RBFOX1: variants seen among roughly 807,000 people sequenced by gnomAD.
RBFOX1 encodes the protein RNA binding fox-1 homolog 1.
A neutral mutation model predicts 57.7 loss-of-function variants in RBFOX1; 8 were observed. The ratio of observed to expected loss-of-function variants is 0.14; its 90% CI spans 0.08 to 0.25. The LOEUF (loss-of-function observed/expected upper bound fraction) is 0.25, where lower values mean the gene tolerates loss of function less well. RBFOX1 is among the 10% of genes least tolerant of loss of function. The pLI is 1.00. For synonymous variants in RBFOX1, 326 were observed against 222.4 expected, an observed-to-expected ratio of 1.47 and a Z score of -4.15; for missense variants, 611 against 548.5, an observed-to-expected ratio of 1.11 and a Z score of -1.14.
chr16:6,974,447 G>A (rs1199414141), intron 3 of RBFOX1, among the ~76,000 whole-genome samples: 2 of 140,868 alleles, frequency 1.4e-5, no homozygotes, highest in Middle Eastern at 8.1e-3. Context: ...CAGGTTCAAG[G>A]AATTATCCTG....
chr16:7,622,294 C>G (rs555914250), intron 10 of RBFOX1, among the ~76,000 whole-genome samples: 3 of 152,286 alleles, frequency 2.0e-5, no homozygotes, highest in African/African-American at 4.8e-5. Flanking sequence ...AAAATAGTGT[C>G]TGTCCTACAG....
At chr16:5,350,310 C>T (rs1479962023) in intron 1 of RBFOX1, among the ~76,000 whole-genome samples, 1 of 152,116 alleles carries the variant, frequency 6.6e-6, no homozygotes, top group African/African-American at 2.4e-5. Flanking sequence ...ATACTGTTGG[C>T]TGCCTGGTGG....
intron 1 of RBFOX1, chr16:6,092,548 C>T (rs2096190421): frequency 6.6e-6 from 1 of 152,198 alleles, no homozygotes; most frequent in Non-Finnish European, 1.5e-5. Flanking sequence ...AAATTACCAT[C>T]ATGAGTTTAT....
At chr16:5,901,916 C>A (rs1482776915) in intron 4 of RBFOX1, among the ~76,000 whole-genome samples, 1 of 152,204 alleles carries the variant, frequency 6.6e-6, no homozygotes, top group African/African-American at 2.4e-5. Context: ...CTTTTGGAAG[C>A]CTTCTTTGGT....
intron 1 of RBFOX1, among the ~76,000 whole-genome samples, chr16:5,381,564 T>G (rs754081981): frequency 5.9e-5 from 9 of 152,192 alleles, no homozygotes; most frequent in Non-Finnish European, 1.3e-4. Context: ...GGTCAAGGCA[T>G]AGGCTGCTGG....
chr16:6,945,293 T>C (rs1380102798), intron 3 of RBFOX1, among the ~76,000 whole-genome samples: 7 of 152,092 alleles, frequency 4.6e-5, no homozygotes, highest in Admixed American at 1.3e-4. Context: ...ATGGTGAGAA[T>C]GTGTACACTA....
intron 4 of RBFOX1, among the ~76,000 whole-genome samples, chr16:7,412,775 G>T (rs2098442019): frequency 6.6e-6 from 1 of 152,170 alleles, no homozygotes; most frequent in South Asian, 2.1e-4. Flanking sequence ...GGGCATGGTG[G>T]CTCACGCCTG....
chr16:6,559,557 C>T (rs184185498), intron 2 of RBFOX1, among the ~76,000 whole-genome samples: 104 of 152,132 alleles, frequency 6.8e-4, no homozygotes, highest in Admixed American at 4.0e-3. Context: ...CTTGAGTCAC[C>T]TGTCGTGTTG....
At chr16:6,812,083 G>A (rs1644774379) in intron 3 of RBFOX1, among the ~76,000 whole-genome samples, 1 of 151,988 alleles carries the variant, frequency 6.6e-6, no homozygotes, top group South Asian at 2.1e-4. Flanking sequence ...TGTATTATCA[G>A]ACTCCATATG....
chr16:7,572,803 C>A (rs1025620208), intron 5 of RBFOX1, among the ~76,000 whole-genome samples: 1 of 147,540 alleles, frequency 6.8e-6, no homozygotes, highest in African/African-American at 2.5e-5. Context: ...GGAGCCACTG[C>A]ACTCCAGCCT....
At chr16:6,538,450 C>T (rs773335267) in intron 2 of RBFOX1, among the ~76,000 whole-genome samples, 1 of 152,124 alleles carries the variant, frequency 6.6e-6, no homozygotes, top group Non-Finnish European at 1.5e-5. Flanking sequence ...GGTGATTGCG[C>T]TACTGCACTC....
At chr16:6,519,644 T>A (rs1431702525) in intron 2 of RBFOX1, among the ~76,000 whole-genome samples, 1 of 152,108 alleles carries the variant, frequency 6.6e-6, no homozygotes. Context: ...GAGGTTGCAG[T>A]GAGCTGAGAT....
chr16:7,060,101 G>T (rs930927631), intron 4 of RBFOX1, among the ~76,000 whole-genome samples: 1 of 152,056 alleles, frequency 6.6e-6, no homozygotes, highest in African/African-American at 2.4e-5. Flanking sequence ...TGATACCATA[G>T]AGTTAACAAA....
At chr16:6,934,828 G>C (rs1004126125) in intron 3 of RBFOX1, among the ~76,000 whole-genome samples, 1 of 152,092 alleles carries the variant, frequency 6.6e-6, no homozygotes, top group Admixed American at 6.6e-5. Flanking sequence ...GCTCCTGCAG[G>C]TAATCCCAGC....
intron 5 of RBFOX1, among the ~76,000 whole-genome samples, chr16:7,571,069 C>A (rs1426738513): frequency 6.6e-6 from 1 of 152,126 alleles, no homozygotes; most frequent in East Asian, 1.9e-4. Context: ...ACAACACACA[C>A]TGGGGGAAGG....
intron 3 of RBFOX1, among the ~76,000 whole-genome samples, chr16:5,844,366 C>A (rs767463328): frequency 3.4e-4 from 51 of 152,150 alleles, no homozygotes; most frequent in Non-Finnish European, 5.9e-4. Flanking sequence ...CTAAAAAGCC[C>A]TGGAATAAAG....
intron 3 of RBFOX1, among the ~76,000 whole-genome samples, chr16:7,010,099 C>A (rs1429128505): frequency 6.6e-6 from 1 of 152,166 alleles, no homozygotes; most frequent in Non-Finnish European, 1.5e-5. Context: ...AACGGTTTGC[C>A]TAAGGGCATG....
intron 2 of RBFOX1, among the ~76,000 whole-genome samples, chr16:6,478,406 TA>T (rs2095309916): frequency 5.8e-4 from 11 of 18,864 alleles, no homozygotes; most frequent in African/African-American, 9.4e-4. Flanking sequence ...TATATATATA[TA>T]TATATATATA....
At chr16:6,828,065 C>A (rs931033921) in intron 3 of RBFOX1, among the ~76,000 whole-genome samples, 3 of 152,088 alleles carry the variant, frequency 2.0e-5, no homozygotes, top group Non-Finnish European at 4.4e-5. Context: ...TGATTAAAAG[C>A]CTCTAAGATG....
Sources: gnomAD v4.1 joint callset for allele counts (sites outside exome capture counted in the v4.1 genomes callset) on GRCh38, gnomAD v4.1.1 for gene constraint, MANE v1.5 for transcripts, NCBI Gene and HGNC (gene_info 2026-07-23, HGNC 2026-07-21) for gene names.